Variants in LDHAL6A observed in about 807,000 individuals in gnomAD.
LDHAL6A encodes the protein lactate dehydrogenase A like 6A, also known as L-lactate dehydrogenase A-like 6A.
In LDHAL6A, 19 loss-of-function variants were observed where a neutral mutation model predicts 28.2. The observed-to-expected ratio is 0.67, with a 90% confidence interval of 0.47 to 0.99. LDHAL6A has a LOEUF of 0.99. LDHAL6A is among the 50% of genes least tolerant of loss of function. The probability of loss-of-function intolerance (pLI) is 0.00; values close to 1 mark genes in which losing one functional copy is unlikely to be tolerated. For missense variants in LDHAL6A, 372 were observed against 398.6 expected, an observed-to-expected ratio of 0.93 and a Z score of 0.57; for synonymous variants, 144 against 134.4, an observed-to-expected ratio of 1.07 and a Z score of -0.49.
chr11:18,461,386 G>A (rs558978115), intron 1 of LDHAL6A, among the ~76,000 whole-genome samples: 2 of 151,278 alleles, frequency 1.3e-5, no homozygotes, highest in Non-Finnish European at 2.9e-5. Context: ...CTCATGATCC[G>A]CCCACCTTGG....
chr11:18,465,591 A>C lies in LDHAL6A; in HGVS notation c.245-46A>C, dbSNP rs781425940. 3 of 1,516,632 alleles carry C rather than the reference A, an allele frequency of 2.0e-6. No homozygotes were observed. In the African/African-American group the frequency reaches 4.1e-5, roughly 21 times the overall value. 93.9% of individuals were successfully genotyped at this position (1,516,632 alleles called of 1,614,324 possible). On this transcript the variant is annotated intron_variant, in intron 2 of 6. Coordinates refer to ENST00000280706, the MANE Select transcript of LDHAL6A (RefSeq NM_144972.5). ...TGAACAGGAAGTATACTTAAATGCC[A>C]GATGTTTTCTTTCATAATCGATTGT...
At chr11:18,474,236 G>A (rs1357913998) in intron 3 of LDHAL6A, among the ~76,000 whole-genome samples, 3 of 151,002 alleles carry the variant, frequency 2.0e-5, no homozygotes, top group Admixed American at 1.3e-4. Flanking sequence ...CCACCACCAC[G>A]CCTGGCTAAT....
Position 18,477,609 on chromosome 11 carries a change from T to C in LDHAL6A, c.711-11T>C. 3 of 1,592,306 alleles carry C rather than the reference T, an allele frequency of 1.9e-6. No individual in the cohort carries two copies. Among genetic ancestry groups the C allele is most frequent in the Non-Finnish European group, 2.6e-6 (3 of 1,173,424 alleles). On this transcript the variant is annotated splice_polypyrimidine_tract_variant and intron_variant, in intron 5 of 6. Coordinates refer to ENST00000280706, the MANE Select transcript of LDHAL6A (RefSeq NM_144972.5). ...ATCTTAACTTATGTTTATGGTTTCT[T>C]CTATCTACAGTGGCTATGAGATGGT...
intron 3 of LDHAL6A, 159 bp from the exon 4 acceptor site, chr11:18,475,307 G>T: frequency 5.2e-6 from 3 of 578,812 alleles, no homozygotes; most frequent in South Asian, 4.8e-5. Context: ...CTATTTGGTA[G>T]ATATTCTTAA....
chr11:18,464,992 G>GT (rs1212053975), intron 2 of LDHAL6A, among the ~76,000 whole-genome samples: 2 of 119,880 alleles, frequency 1.7e-5, no homozygotes, highest in Non-Finnish European at 3.4e-5. Flanking sequence ...TTTTTGTTTT[G>GT]TTTTGTTTTG....
At chr11:18,464,968 G>GT (rs1565068644) in intron 2 of LDHAL6A, among the ~76,000 whole-genome samples, 85 of 3,798 alleles carry the variant, frequency 0.022, no homozygotes, top group Admixed American at 0.16. Context: ...GAGGTGAGGT[G>GT]TTTTTTTTGT....
Position 18,467,862 on chromosome 11 carries a change from A to AAT in LDHAL6A, c.418+2064_418+2065dup, listed in dbSNP as rs1178362267. Among the ~76,000 whole-genome samples the AAT allele has an allele frequency of 4.4e-4, 29 of 65,604 alleles. 1 individual carries two copies. The highest frequency in any genetic ancestry group is 1.8e-3 in the African/African-American group (27 of 14,722). The allele number at this position is 65,604 out of a possible 152,430, so 43.0% of individuals were successfully genotyped here. On this transcript the variant is annotated intron_variant, in intron 3 of 6. Transcript: ENST00000280706. ...AACAGGGCAAGACTGTCTCAAAAAA[A>AAT]ATATATATATATACACACATATATA...
chr11:18,470,786 A>G (rs956723739), intron 3 of LDHAL6A, among the ~76,000 whole-genome samples: 15 of 151,740 alleles, frequency 9.9e-5, no homozygotes, highest in African/African-American at 3.6e-4. Flanking sequence ...TCCCGGGTTC[A>G]AGCAATTCTC....
At chr11:18,467,907 A>G (rs1204053102) in intron 3 of LDHAL6A, among the ~76,000 whole-genome samples, 2 of 73,100 alleles carry the variant, frequency 2.7e-5, no homozygotes, top group Non-Finnish European at 4.8e-5. Flanking sequence ...ATATATATAT[A>G]TATATATATA....
At chr11:18,469,133 G>A in intron 3 of LDHAL6A, 2 of 559,170 alleles carry the variant, frequency 3.6e-6, no homozygotes, top group Non-Finnish European at 6.3e-6. Context: ...GGAGAGCTGT[G>A]GAGAGATTCT....
chr11:18,465,952 T>C, intron 3 of LDHAL6A, 142 bp downstream of exon 3: 1 of 597,956 alleles, frequency 1.7e-6, no homozygotes, highest in South Asian at 2.5e-5. Context: ...TACCTAATAG[T>C]TTTTCAGCCC....
chr11:18,464,992 G>GTTTTTTTT (rs1212053975), intron 2 of LDHAL6A, among the ~76,000 whole-genome samples: 2 of 119,822 alleles, frequency 1.7e-5, no homozygotes, highest in East Asian at 2.1e-4. Flanking sequence ...TTTTTGTTTT[G>GTTTTTTTT]TTTTGTTTTG....
intron 2 of LDHAL6A, 60 bp from the exon 3 acceptor site, chr11:18,465,577 T>C: frequency 7.1e-7 from 1 of 1,413,612 alleles, no homozygotes; most frequent in African/African-American, 1.4e-5. Flanking sequence ...GAACAGGAAG[T>C]ATACTTAAAT....
Position 18,456,739 on chromosome 11 carries a change from A to G in LDHAL6A, c.59A>G (p.His20Arg). The change falls in exon 1 of 7, where the codon CAC becomes CGC. Residue 20 changes from histidine (H) to arginine (R), a missense_variant. His to Arg is a conservative substitution (Grantham distance 29). Coordinates refer to ENST00000280706, the MANE Select transcript of LDHAL6A (RefSeq NM_144972.5). Reference protein sequence around the residue: ...KNFAEEEAIHHNKISIVGTGS... With the variant: ...KNFAEEEAIHRNKISIVGTGS... Reference sequence around the variant, plus strand: ...TTCGCGGAAGAGGAGGCCATTCATCACAATAAGATCTCCATTGTAGGAACT... The same window carrying G: ...TTCGCGGAAGAGGAGGCCATTCATCGCAATAAGATCTCCATTGTAGGAACT... The G allele has an allele frequency of 1.9e-6, 3 of 1,613,902 alleles. No individual in the cohort carries two copies. The highest frequency in any genetic ancestry group is 2.5e-6 in the Non-Finnish European group (3 of 1,179,834).
chr11:18,465,829 A>C lies in LDHAL6A; in HGVS notation c.418+19A>C. ...AATCCAGGTCAGCTTTGTTGTTTTAAATTTTCAACTTTTAGATTCGGGGGT... is the reference window on the plus strand; with the variant it reads ...AATCCAGGTCAGCTTTGTTGTTTTACATTTTCAACTTTTAGATTCGGGGGT... On this transcript the variant is annotated intron_variant, in intron 3 of 6. Transcript: ENST00000280706. 6.3e-7 allele frequency: 1 copy of C among 1,599,588 alleles called. No individual in the cohort carries two copies. Among genetic ancestry groups the C allele is most frequent in the African/African-American group, 1.3e-5 (1 of 74,576 alleles).
chr11:18,477,639 A>G lies in LDHAL6A; in HGVS notation c.730A>G (p.Met244Val). Reference sequence around the variant, plus strand: ...CTACAGTGGCTATGAGATGGTCAAAATGAAAGGTTATACTTCTTGGGGCAT... The same window carrying G: ...CTACAGTGGCTATGAGATGGTCAAAGTGAAAGGTTATACTTCTTGGGGCAT... ...VISSGYEMVK[M>V]KGYTSWGISL... is the part of the protein sequence containing the mutation. Residue 244 changes from methionine to valine, a missense_variant, in exon 6 of 7, where the codon ATG becomes GTG. By Grantham distance (21) the Met-to-Val change is conservative. Transcript: ENST00000280706. 1 of 1,609,808 alleles carries G rather than the reference A, an allele frequency of 6.2e-7. No individual in the cohort carries two copies. The highest frequency in any genetic ancestry group is 8.5e-7 in the Non-Finnish European group (1 of 1,179,096).
At chr11:18,466,310 G>A (rs946103303) in intron 3 of LDHAL6A, among the ~76,000 whole-genome samples, 17 of 151,944 alleles carry the variant, frequency 1.1e-4, no homozygotes, top group African/African-American at 3.6e-4. Flanking sequence ...AGTGTAATAT[G>A]TACTTTGCAC....
At position 18,465,793 on chromosome 11, in the gene LDHAL6A, T is replaced by C; in HGVS notation, c.401T>C (p.Leu134Pro). 2 of 1,612,036 alleles carry C rather than the reference T, an allele frequency of 1.2e-6. No homozygotes were observed. The highest frequency in any genetic ancestry group is 1.7e-6 in the Non-Finnish European group (2 of 1,179,108). The change falls in exon 3 of 7, where the codon CTT (leucine) becomes CCT (proline). Residue 134 changes from leucine (L) to proline (P), a missense_variant. Around this residue, in one of 3 missense-constraint regions of LDHAL6A, gnomAD observed 291 missense variants for 302.9 expected, o/e 0.96. Transcript: ENST00000280706. ...ITQYSPHCKL[L>P]IVTNPVDILT... ...CAGTACAGTCCTCACTGCAAACTGC[T>C]TATTGTTACTAATCCAGGTCAGCTT...
intron 3 of LDHAL6A, among the ~76,000 whole-genome samples, chr11:18,468,024 CGTATAT>C (rs1849156515): frequency 1.7e-5 from 1 of 58,238 alleles, no homozygotes; most frequent in Non-Finnish European, 2.9e-5. Flanking sequence ...CATATATATA[CGTATAT>C]ATATATACAT....
Sources: gnomAD v4.1 joint callset for allele counts (sites outside exome capture counted in the v4.1 genomes callset) on GRCh38, gnomAD v4.1.1 for gene constraint, gnomAD v4.1.1 regional missense constraint, MANE v1.5 for transcripts, NCBI Gene and HGNC (gene_info 2026-07-23, HGNC 2026-07-21) for gene names.